The following COL23A1 variants were observed in gnomAD, a reference collection of about 807,000 sequenced individuals.
The protein encoded by COL23A1 is collagen alpha-1(XXIII) chain.
COL23A1 carries 97 observed loss-of-function variants against 99.3 expected under a neutral mutation model. The ratio of observed to expected loss-of-function variants is 0.98; its 90% CI spans 0.83 to 1.16. The LOEUF (loss-of-function observed/expected upper bound fraction) is 1.16. Among genes scored for constraint, COL23A1 ranks in the 50% most tolerant of loss-of-function variants. The pLI is 0.00. For missense variants in COL23A1, 762 were observed against 757.4 expected (o/e 1.01, Z -0.07); for synonymous variants, 320 against 308.2 (o/e 1.04, Z -0.40).
intron 2 of COL23A1, among the ~76,000 whole-genome samples, chr5:178,377,606 C>A (rs531747727): frequency 6.6e-6 from 1 of 152,336 alleles, no homozygotes; most frequent in Admixed American, 6.5e-5. Flanking sequence ...CCCATCCCAA[C>A]CCCATCTCCA....
At chr5:178,436,160 A>T (rs1242991828) in intron 2 of COL23A1, among the ~76,000 whole-genome samples, 1 of 152,202 alleles carries the variant, frequency 6.6e-6, no homozygotes, top group East Asian at 1.9e-4. Flanking sequence ...AAATGGGGGC[A>T]TAGCAAGGAC....
intron 2 of COL23A1, among the ~76,000 whole-genome samples, chr5:178,452,650 CA>C (rs1767552915): frequency 6.6e-6 from 1 of 152,128 alleles, no homozygotes; most frequent in African/African-American, 2.4e-5. Context: ...AAACCAGCAA[CA>C]GAAACAAAAG....
At chr5:178,567,071 T>C (rs1016747371) in intron 1 of COL23A1, among the ~76,000 whole-genome samples, 2 of 152,182 alleles carry the variant, frequency 1.3e-5, no homozygotes, top group East Asian at 3.9e-4. Context: ...AACCCTGTGG[T>C]GCTGAATCAG....
intron 3 of COL23A1, 126 bp from the exon 4 acceptor site, chr5:178,290,495 T>C: frequency 7.9e-7 from 1 of 1,258,950 alleles, no homozygotes; most frequent in Non-Finnish European, 1.2e-6. Context: ...AAGGCTTTGA[T>C]GCTGCCATGG....
At chr5:178,477,940 G>A (rs1562007050) in intron 2 of COL23A1, among the ~76,000 whole-genome samples, 2 of 152,204 alleles carry the variant, frequency 1.3e-5, no homozygotes, top group Admixed American at 6.5e-5. Flanking sequence ...AACTAGACAT[G>A]AGAAGGCAGG....
chr5:178,326,880 T>C (rs541135676), intron 2 of COL23A1, among the ~76,000 whole-genome samples: 35 of 152,278 alleles, frequency 2.3e-4, no homozygotes, highest in East Asian at 3.9e-4. Context: ...CCACCACGCC[T>C]GGCTAATTTT....
At chr5:178,324,970 A>G (rs1260226182) in intron 2 of COL23A1, among the ~76,000 whole-genome samples, 1 of 151,890 alleles carries the variant, frequency 6.6e-6, no homozygotes, top group Non-Finnish European at 1.5e-5. Flanking sequence ...CCTACAGGGC[A>G]TTTTAGGCAT....
chr5:178,246,340 C>T (rs1395510483), intron 23 of COL23A1, 33 bp from the exon 24 acceptor site: 2 of 1,559,888 alleles, frequency 1.3e-6, no homozygotes, highest in South Asian at 1.2e-5. Flanking sequence ...AAGAGGCATG[C>T]TAGTGACAGG....
intron 17 of COL23A1, among the ~76,000 whole-genome samples, chr5:178,250,808 C>G (rs1050383536): frequency 7.9e-6 from 1 of 126,746 alleles, no homozygotes; most frequent in Non-Finnish European, 1.8e-5. Flanking sequence ...ATGGTGAAAC[C>G]CCCCTCTACT....
At chr5:178,400,248 C>T (rs1287375839) in intron 2 of COL23A1, among the ~76,000 whole-genome samples, 3 of 151,290 alleles carry the variant, frequency 2.0e-5, no homozygotes, top group Non-Finnish European at 2.9e-5. Flanking sequence ...GCGCCTGTAG[C>T]CACAGCTACT....
At chr5:178,321,552 C>A (rs938288223) in intron 2 of COL23A1, among the ~76,000 whole-genome samples, 1 of 144,800 alleles carries the variant, frequency 6.9e-6, no homozygotes, top group Non-Finnish European at 1.5e-5. Context: ...TGCAGTGGCA[C>A]GATCTCGGCT....
At chr5:178,576,752 C>A (rs1337814251) in intron 1 of COL23A1, among the ~76,000 whole-genome samples, 1 of 151,934 alleles carries the variant, frequency 6.6e-6, no homozygotes, top group South Asian at 2.1e-4. Context: ...AAAGCCCCAA[C>A]GGGTCCCCCG....
At chr5:178,335,187 A>C in intron 2 of COL23A1, among the ~76,000 whole-genome samples, 1 of 152,252 alleles carries the variant, frequency 6.6e-6, no homozygotes, top group East Asian at 1.9e-4. Flanking sequence ...TCCTAATTAA[A>C]AATGAAAGGT....
At chr5:178,585,402 A>C (rs1763888108) in intron 1 of COL23A1, among the ~76,000 whole-genome samples, 1 of 114,128 alleles carries the variant, frequency 8.8e-6, no homozygotes, top group African/African-American at 3.8e-5. Flanking sequence ...GCCCTGACTG[A>C]TGTGTGGGTA....
intron 3 of COL23A1, among the ~76,000 whole-genome samples, chr5:178,296,791 C>T (rs1757770438): frequency 6.6e-6 from 1 of 152,058 alleles, no homozygotes; most frequent in Non-Finnish European, 1.5e-5. Flanking sequence ...GGACAGTCCA[C>T]CTCAAGCTCA....
At chr5:178,413,738 G>A (rs1765164707) in intron 2 of COL23A1, among the ~76,000 whole-genome samples, 1 of 152,178 alleles carries the variant, frequency 6.6e-6, no homozygotes, top group South Asian at 2.1e-4. Flanking sequence ...GTGGGGATGG[G>A]GAATTGGACA....
At chr5:178,525,902 A>G (rs1760278576) in intron 2 of COL23A1, among the ~76,000 whole-genome samples, 1 of 152,252 alleles carries the variant, frequency 6.6e-6, no homozygotes, top group Admixed American at 6.5e-5. Context: ...AACTCTTTAC[A>G]CCTCATCAGC....
intron 2 of COL23A1, among the ~76,000 whole-genome samples, chr5:178,356,228 G>C (rs1219131362): frequency 6.6e-6 from 1 of 152,138 alleles, no homozygotes; most frequent in East Asian, 1.9e-4. Flanking sequence ...GACAGCCAAT[G>C]GGTACAGGAC....
chr5:178,331,018 G>C (rs1359640741), intron 2 of COL23A1, among the ~76,000 whole-genome samples: 1 of 152,236 alleles, frequency 6.6e-6, no homozygotes, highest in East Asian at 1.9e-4. Flanking sequence ...TTCTCAGCCG[G>C]ATAAACCTCG....
Sources: allele counts gnomAD v4.1 joint callset (sites outside exome capture counted in the v4.1 genomes callset), GRCh38; gene constraint gnomAD v4.1.1; transcripts MANE v1.5; gene names NCBI Gene and HGNC (gene_info 2026-07-23, HGNC 2026-07-21).